NPSR1: variants seen among roughly 807,000 people sequenced by gnomAD.
The protein encoded by NPSR1 is neuropeptide S receptor.
Under a neutral mutation model 46.9 loss-of-function variants are expected in NPSR1, and 48 were observed. The ratio of observed to expected loss-of-function variants is 1.02; its 90% CI spans 0.81 to 1.30. The LOEUF is 1.30. Ranked by LOEUF, NPSR1 falls within the 50% of genes most tolerant of loss-of-function variation. The pLI is 0.00. For synonymous variants in NPSR1, 176 were observed against 168.1 expected, an observed-to-expected ratio of 1.05 and a Z score of -0.36; for missense variants, 450 against 449.5, an observed-to-expected ratio of 1.00 and a Z score of -0.01.
chr7:34,775,109 T>G (rs1424616766), intron 2 of NPSR1, among the ~76,000 whole-genome samples: 5 of 152,198 alleles, frequency 3.3e-5, no homozygotes, highest in Non-Finnish European at 7.4e-5. Flanking sequence ...ATGCCTCTAA[T>G]GTATTAGACA....
chr7:34,755,355 T>C (rs896145481), intron 2 of NPSR1, among the ~76,000 whole-genome samples: 6 of 152,228 alleles, frequency 3.9e-5, no homozygotes, highest in African/African-American at 1.4e-4. Flanking sequence ...AGGTCAAGGA[T>C]ACAAAGTAGC....
rs1790351412 is a variant in NPSR1 at position 34,836,037 on chromosome 7, GT to G, written c.757+1578del. 4.6e-5 allele frequency among the ~76,000 whole-genome samples: 7 copies of G among 152,206 alleles called. No homozygotes were observed. In the South Asian group the frequency reaches 1.4e-3, roughly 32 times the overall value. ...GGCTGACCTTCACACTGACTGACCA[GT>G]GTAACCAAGAGATGTGCTTAGGCTG... is the stretch of plus-strand genomic sequence containing the variant. On this transcript the variant is annotated intron_variant, in intron 6 of 8. Transcript: ENST00000360581.
chr7:34,739,810 CA>C (rs1784853517), intron 2 of NPSR1, among the ~76,000 whole-genome samples: 1 of 152,088 alleles, frequency 6.6e-6, no homozygotes, highest in African/African-American at 2.4e-5. Context: ...GTGCAGGTGG[CA>C]GGGGGGTGAA....
chr7:34,826,328 A>C (rs993802239), intron 4 of NPSR1, among the ~76,000 whole-genome samples: 1 of 152,174 alleles, frequency 6.6e-6, no homozygotes, highest in Non-Finnish European at 1.5e-5. Flanking sequence ...TCTCCTAAAT[A>C]TTTTGGGTTT....
intron 5 of NPSR1, among the ~76,000 whole-genome samples, chr7:34,831,402 T>C (rs1402458158): frequency 6.6e-6 from 1 of 151,742 alleles, no homozygotes; most frequent in Non-Finnish European, 1.5e-5. Context: ...CCTAGATCAG[T>C]TTTTGGCATA....
intron 8 of NPSR1, among the ~76,000 whole-genome samples, chr7:34,868,654 C>T (rs1791377966): frequency 6.6e-6 from 1 of 151,582 alleles, no homozygotes; most frequent in Non-Finnish European, 1.5e-5. Context: ...GAGATTGGCC[C>T]AGTAAGACAA....
rs1300135800 is a variant in NPSR1, at chr7:34,676,432, G to C, written c.148-8120G>C. ...ACTTTTCGTCCACGAGGCTCACCTAGTTGTGATATTCTCACTCCTCTGAAA... is the reference window on the plus strand; with the variant it reads ...ACTTTTCGTCCACGAGGCTCACCTACTTGTGATATTCTCACTCCTCTGAAA... On this transcript the variant is annotated intron_variant, in intron 1 of 8. Transcript: ENST00000360581. 2.6e-5 allele frequency among the ~76,000 whole-genome samples: 4 copies of C among 152,170 alleles called. No individual in the cohort carries two copies. The East Asian group carries it at 5.8e-4, about 22-fold the overall frequency.
intron 2 of NPSR1, among the ~76,000 whole-genome samples, chr7:34,688,009 A>G (rs1429093743): frequency 6.6e-6 from 1 of 152,210 alleles, no homozygotes; most frequent in Non-Finnish European, 1.5e-5. Context: ...TGGGGCAAAA[A>G]TTAATTTGCC....
intron 3 of NPSR1, among the ~76,000 whole-genome samples, chr7:34,793,157 A>G (rs919124260): frequency 1.3e-5 from 2 of 151,976 alleles, no homozygotes; most frequent in African/African-American, 2.4e-5. Flanking sequence ...TGAGACCCCC[A>G]TCTAGGAAAA....
At chr7:34,855,456 A>G (rs1399963798) in intron 8 of NPSR1, among the ~76,000 whole-genome samples, 2 of 152,178 alleles carry the variant, frequency 1.3e-5, no homozygotes, top group African/African-American at 4.8e-5. Flanking sequence ...ATAAAAGGAT[A>G]TTATGATCAA....
intron 2 of NPSR1, chr7:34,761,099 C>T (rs1489173307): frequency 6.5e-6 from 1 of 152,842 alleles, no homozygotes; most frequent in Non-Finnish European, 1.5e-5. Context: ...TCTTGGGCCC[C>T]TTCCTCCCTT....
rs192479999 is a variant in NPSR1, at chr7:34,802,512, T to A, written c.385-9258T>A. On this transcript the variant is annotated intron_variant, in intron 3 of 8. Transcript: ENST00000360581. ...CGGTGCTGGGAAAACTGGATAGCCA[T>A]ATGTAGAAAGCTGAAACTGGATCCC... Among the ~76,000 whole-genome samples the A allele has an allele frequency of 8.0e-5, 12 of 150,440 alleles. No individual in the cohort carries two copies. The East Asian group carries it at 2.3e-3, about 29-fold the overall frequency.
At chr7:34,817,902 T>A (rs1441534880) in intron 4 of NPSR1, among the ~76,000 whole-genome samples, 2 of 152,190 alleles carry the variant, frequency 1.3e-5, no homozygotes, top group Non-Finnish European at 2.9e-5. Flanking sequence ...AAACTAGGTA[T>A]TGATTGAACA....
intron 2 of NPSR1, among the ~76,000 whole-genome samples, chr7:34,738,934 AGTCT>A (rs1202571616): frequency 3.9e-5 from 6 of 152,148 alleles, no homozygotes; most frequent in African/African-American, 1.4e-4. Context: ...AGCAACCATG[AGTCT>A]GTCTATGAAT....
chr7:34,878,147 C>A lies in NPSR1; in HGVS notation c.1097C>A (p.Thr366Asn), dbSNP rs13230135. Residue 366 changes from threonine (T) to asparagine (N), a missense_variant, in exon 9 of 9, where the codon ACT becomes AAT. Coordinates refer to the NPSR1 transcript ENST00000359791. The stretch of plus-strand genomic sequence containing the variant: ...CCTCAACGAGAGAACTGGAAGGGTA[C>A]TTGGCCAGGTGTACCTTCCTGGGCT... 18 of 1,608,428 alleles carry A rather than the reference C, an allele frequency of 1.1e-5. No individual in the cohort carries two copies. The East Asian group carries it at 3.8e-4, about 34-fold the overall frequency.
At chr7:34,830,308 C>T (rs1253263696) in intron 5 of NPSR1, among the ~76,000 whole-genome samples, 1 of 151,950 alleles carries the variant, frequency 6.6e-6, no homozygotes, top group Non-Finnish European at 1.5e-5. Context: ...TTCACCATGC[C>T]TCATTCTCCT....
At chr7:34,772,316 A>G (rs986733163) in intron 2 of NPSR1, among the ~76,000 whole-genome samples, 1 of 152,224 alleles carries the variant, frequency 6.6e-6, no homozygotes, top group African/African-American at 2.4e-5. Flanking sequence ...TTGGAAATGA[A>G]ATTATGAGTA....
At chr7:34,814,879 A>G (rs535699920) in intron 4 of NPSR1, among the ~76,000 whole-genome samples, 4 of 151,048 alleles carry the variant, frequency 2.6e-5, no homozygotes, top group East Asian at 2.0e-4. Context: ...AACATCAACA[A>G]AAAGGACATC....
chr7:34,826,395 C>T (rs1385237315), intron 4 of NPSR1, among the ~76,000 whole-genome samples: 1 of 152,138 alleles, frequency 6.6e-6, no homozygotes, highest in Non-Finnish European at 1.5e-5. Flanking sequence ...TGTAGCTCGA[C>T]CACAGTCAAC....
Sources: allele counts gnomAD v4.1 joint callset (sites outside exome capture counted in the v4.1 genomes callset), GRCh38; gene constraint gnomAD v4.1.1; transcripts MANE v1.5; gene names NCBI Gene and HGNC (gene_info 2026-07-23, HGNC 2026-07-21).